PALM2AKAP2: variants seen among roughly 807,000 people sequenced by gnomAD.
The protein encoded by PALM2AKAP2 is PALM2 and AKAP2 fusion.
In PALM2AKAP2, 37 loss-of-function variants were observed where a neutral mutation model predicts 71.5. The ratio of observed to expected loss-of-function variants is 0.52; its 90% CI spans 0.40 to 0.68. The LOEUF (loss-of-function observed/expected upper bound fraction) is 0.68. Ranked by LOEUF, PALM2AKAP2 falls within the 30% of genes least tolerant of loss-of-function variation. PALM2AKAP2 has a pLI of 0.00. For synonymous variants in PALM2AKAP2, 468 were observed against 478.8 expected (o/e 0.98, Z 0.29); for missense variants, 1,224 against 1,191.8 (o/e 1.03, Z -0.40).
At chr9:109,791,805 T>G (rs2118874563) in intron 1 of PALM2AKAP2, among the ~76,000 whole-genome samples, 1 of 152,356 alleles carries the variant, frequency 6.6e-6, no homozygotes, top group East Asian at 1.9e-4. Context: ...CAGGGTCTCC[T>G]GCTTTTCCAA....
intron 1 of PALM2AKAP2, among the ~76,000 whole-genome samples, chr9:110,050,455 A>T: frequency 6.6e-6 from 1 of 152,208 alleles, no homozygotes; most frequent in East Asian, 1.9e-4. Flanking sequence ...ATTCATGAAT[A>T]CAATTTCATA....
intron 1 of PALM2AKAP2, among the ~76,000 whole-genome samples, chr9:110,102,155 C>T (rs1835014344): frequency 6.6e-6 from 1 of 152,198 alleles, no homozygotes; most frequent in Non-Finnish European, 1.5e-5. Flanking sequence ...ATCTTGATGC[C>T]ACATCCCAGC....
intron 7 of PALM2AKAP2, among the ~76,000 whole-genome samples, chr9:110,030,001 C>T (rs1009737391): frequency 1.3e-5 from 2 of 152,128 alleles, no homozygotes; most frequent in African/African-American, 4.8e-5. Flanking sequence ...TTGTTGGATT[C>T]ATAGAGTAGG....
chr9:109,838,502 G>A (rs12376988), intron 1 of PALM2AKAP2, among the ~76,000 whole-genome samples: 17,613 of 152,130 alleles, frequency 0.12, 1,244 homozygotes, highest in Non-Finnish European at 0.16. Flanking sequence ...TCAAAAGCTA[G>A]CAGAAGGCAA....
intron 3 of PALM2AKAP2, among the ~76,000 whole-genome samples, chr9:109,901,702 A>G (rs957672293): frequency 1.8e-4 from 27 of 152,216 alleles, no homozygotes; most frequent in Non-Finnish European, 2.8e-4. Flanking sequence ...TGCTGGTTCA[A>G]TGTCACAATT....
At chr9:110,129,270 T>C (rs1227423451) in intron 1 of PALM2AKAP2, among the ~76,000 whole-genome samples, 1 of 152,172 alleles carries the variant, frequency 6.6e-6, no homozygotes, top group Non-Finnish European at 1.5e-5. Flanking sequence ...AAAGCTAAAT[T>C]GTGAGTCTCA....
At chr9:109,843,083 T>C (rs1828747947) in intron 1 of PALM2AKAP2, among the ~76,000 whole-genome samples, 2 of 134,208 alleles carry the variant, frequency 1.5e-5, no homozygotes, top group Non-Finnish European at 3.0e-5. Context: ...GAGGTTGCGG[T>C]GAGCCGAGAT....
exon 4 of PALM2AKAP2, chr9:110,170,378 A>T (rs539217478): frequency 2.0e-5 from 3 of 152,806 alleles, no homozygotes; most frequent in African/African-American, 4.8e-5. Flanking sequence ...CAAAATTTGT[A>T]TGTAGATGTT....
intron 1 of PALM2AKAP2, among the ~76,000 whole-genome samples, chr9:110,056,275 C>T (rs890110222): frequency 2.0e-5 from 3 of 152,194 alleles, no homozygotes; most frequent in Non-Finnish European, 2.9e-5. Context: ...CTTACATTAC[C>T]GTGATGTCAT....
chr9:110,038,198 A>G (rs1207670918), intron 7 of PALM2AKAP2, among the ~76,000 whole-genome samples: 1 of 152,042 alleles, frequency 6.6e-6, no homozygotes, highest in Non-Finnish European at 1.5e-5. Flanking sequence ...AAAATTAGCC[A>G]GGTGAGGCAG....
At chr9:110,100,051 CTATATA>C (rs71373968) in intron 1 of PALM2AKAP2, among the ~76,000 whole-genome samples, 3,008 of 109,474 alleles carry the variant, frequency 0.027, 65 homozygotes, top group Middle Eastern at 0.046. Flanking sequence ...GTATGTGTGT[CTATATA>C]TATATATATA....
exon 1 of PALM2AKAP2, chr9:110,048,742 G>A: frequency 7.3e-7 from 1 of 1,369,666 alleles, no homozygotes; most frequent in Non-Finnish European, 9.8e-7. Context: ...CCTTCCCCCG[G>A]AGTCTCCTGG....
At chr9:110,093,891 T>C (rs897838908) in intron 1 of PALM2AKAP2, among the ~76,000 whole-genome samples, 7 of 152,236 alleles carry the variant, frequency 4.6e-5, no homozygotes, top group African/African-American at 1.7e-4. Context: ...AGAATTCCTC[T>C]TCTATACTCT....
chr9:109,865,444 C>T (rs1829424360), intron 1 of PALM2AKAP2, among the ~76,000 whole-genome samples: 1 of 152,028 alleles, frequency 6.6e-6, no homozygotes, highest in Admixed American at 6.6e-5. Flanking sequence ...AACTCTACAT[C>T]CTTCATGACC....
At chr9:110,015,859 C>A in intron 6 of PALM2AKAP2, 95 bp from the exon 7 acceptor site, 1 of 1,173,368 alleles carries the variant, frequency 8.5e-7, no homozygotes, top group Non-Finnish European at 1.2e-6. Flanking sequence ...GCTCCCTTTA[C>A]AAGTCACATG....
chr9:110,015,810 G>A (rs1210716638), intron 6 of PALM2AKAP2, 144 bp from the exon 7 acceptor site: 3 of 715,418 alleles, frequency 4.2e-6, no homozygotes, highest in East Asian at 2.9e-5. Flanking sequence ...TCCTAGCCCA[G>A]TAACTGCAAG....
chr9:109,745,810 T>A (rs368383926), intron 1 of PALM2AKAP2, among the ~76,000 whole-genome samples: 2 of 152,288 alleles, frequency 1.3e-5, no homozygotes, highest in African/African-American at 4.8e-5. Context: ...TGGGTTGCCC[T>A]AGTTGTAACC....
intron 1 of PALM2AKAP2, among the ~76,000 whole-genome samples, chr9:109,834,700 T>C (rs1455265126): frequency 2.0e-5 from 3 of 152,206 alleles, no homozygotes; most frequent in Non-Finnish European, 4.4e-5. Flanking sequence ...TACCACATGC[T>C]AGGCACTGTG....
chr9:110,126,634 G>T (rs1377838896), intron 1 of PALM2AKAP2, among the ~76,000 whole-genome samples: 1 of 152,164 alleles, frequency 6.6e-6, no homozygotes, highest in Non-Finnish European at 1.5e-5. Context: ...GGGAAACCCG[G>T]AAGCCTCTCA....
Sources: allele counts gnomAD v4.1 joint callset (sites outside exome capture counted in the v4.1 genomes callset), GRCh38; gene constraint gnomAD v4.1.1; transcripts MANE v1.5; gene names NCBI Gene and HGNC (gene_info 2026-07-23, HGNC 2026-07-21).